ZNF814: variants seen among roughly 807,000 people sequenced by gnomAD.
The protein encoded by ZNF814 is zinc finger protein 814.
Under a neutral mutation model 7.5 loss-of-function variants are expected in ZNF814, and 5 were observed. The observed-to-expected ratio is 0.67, with a 90% CI of 0.35 to 1.40. ZNF814 has a LOEUF of 1.40. ZNF814 is among the 40% of genes most tolerant of loss of function. ZNF814 has a pLI of 0.04. For synonymous variants in ZNF814, 315 were observed against 340.7 expected, an observed-to-expected ratio of 0.92 and a Z score of 0.83; for missense variants, 962 against 1,018.0, an observed-to-expected ratio of 0.94 and a Z score of 0.75.
rs567660556 is a variant in ZNF814, at chr19:57,875,943, C to CTTTTTTTTTTT, written c.164-728_164-718dup. On this transcript the variant is annotated intron_variant, in intron 2 of 2. Coordinates refer to ENST00000435989, the MANE Select transcript of ZNF814 (RefSeq NM_001144989.2). ...CTCCATGACCTCCTCCAGGGTGCCGCTTTTTTTTTTTTTTTTTTTTTTTTT... is the reference window on the plus strand; with the variant it reads ...CTCCATGACCTCCTCCAGGGTGCCGCTTTTTTTTTTTTTTTTTTTTTTTTTTTTTTTTTTTT... Among the ~76,000 whole-genome samples, 29 of 71,434 alleles carry CTTTTTTTTTTT rather than the reference C, an allele frequency of 4.1e-4. 2 individuals carry two copies. The highest frequency in any genetic ancestry group is 7.9e-4 in the East Asian group (2 of 2,520). 46.9% of individuals were successfully genotyped at this position (71,434 alleles called of 152,430 possible). A position where few individuals can be genotyped will look rare whatever the true frequency, so the allele number is the denominator to read the frequency against.
chr19:57,892,236 A>G (rs1281838664), upstream of ZNF814, among the ~76,000 whole-genome samples: 3 of 152,118 alleles, frequency 2.0e-5, no homozygotes, highest in African/African-American at 7.2e-5. Context: ...ACAGAGTTTG[A>G]CTCTTTTCAT....
At chr19:57,896,946 G>C in the ZNF814 span, among the ~76,000 whole-genome samples, 1 of 152,114 alleles carries the variant, frequency 6.6e-6, no homozygotes, top group Non-Finnish European at 1.5e-5. The surrounding 1 kb of genome is among the most constrained non-coding windows in gnomAD (Gnocchi z 4.2). Context: ...GTCCTAATTG[G>C]GGTCAATTAG....
At chr19:57,878,966 TA>T (rs939743037) in intron 1 of ZNF814, among the ~76,000 whole-genome samples, 2 of 151,844 alleles carry the variant, frequency 1.3e-5, no homozygotes, top group Non-Finnish European at 2.9e-5. Context: ...TTAAAATATA[TA>T]AAAAGAGAGT....
In ZNF814 at chr19:57,872,477, T is replaced by C. The variant is rs2071563919; in HGVS notation, c.*345A>G. 2 of 444,736 alleles carry C rather than the reference T, an allele frequency of 4.5e-6. No homozygotes were observed. Among genetic ancestry groups the C allele is most frequent in the Non-Finnish European group, 8.0e-6 (2 of 250,588 alleles). 27.5% of individuals were successfully genotyped at this position (444,736 alleles called of 1,614,324 possible). On this transcript the variant is annotated 3_prime_UTR_variant, in exon 3 of 3. Coordinates refer to ENST00000435989, the MANE Select transcript of ZNF814 (RefSeq NM_001144989.2). ...GGAGCAAAGAGGTGTGGCTACAAAA[T>C]TGCCCAAATGTATTTTATTTGTCTA...
chr19:57,876,869 G>C (rs2122437267), intron 2 of ZNF814, 47 bp downstream of exon 2: 1 of 1,608,768 alleles, frequency 6.2e-7, no homozygotes, highest in Middle Eastern at 1.7e-4. Flanking sequence ...AAAGATAGGG[G>C]AAAACAGAGA....
At chr19:57,889,069 C>G (rs1304353593), upstream of ZNF814, 13 of 530,128 alleles carry the variant, frequency 2.5e-5, no homozygotes, top group South Asian at 2.4e-4. Flanking sequence ...GAAGTCCGGA[C>G]CCATTGTCAC....
chr19:57,874,805 C>T lies in ZNF814; in HGVS notation c.585G>A (p.Glu195=). 6.2e-7 allele frequency: 1 copy of T among 1,614,134 alleles called. No individual in the cohort carries two copies. The change falls in exon 3 of 3, where the codon GAG becomes GAA. Residue 195 remains glutamate, a synonymous_variant. Coordinates refer to ENST00000435989, the MANE Select transcript of ZNF814 (RefSeq NM_001144989.2). Reference sequence around the variant, plus strand: ...CACACTCAGTTTTGCTGTTTGACTTCTCCCCAGTGTGACTGGCCTCCTGCT... The same window carrying T: ...CACACTCAGTTTTGCTGTTTGACTTTTCCCCAGTGTGACTGGCCTCCTGCT... The part of the protein sequence containing the change: ...LLQQEASHTG[E]KSNSKTECVS...
At chr19:57,904,242 C>G in the ZNF814 span, among the ~76,000 whole-genome samples, 2 of 152,220 alleles carry the variant, frequency 1.3e-5, no homozygotes, top group South Asian at 4.1e-4. Context: ...TTTCTACCCC[C>G]ACATCCTCAC....
At chr19:57,883,921 T>C (rs2071668917) in intron 1 of ZNF814, among the ~76,000 whole-genome samples, 1 of 152,042 alleles carries the variant, frequency 6.6e-6, no homozygotes, top group Non-Finnish European at 1.5e-5. Flanking sequence ...CACACCCAGC[T>C]AATTTTTGTA....
the ZNF814 span, among the ~76,000 whole-genome samples, chr19:57,901,497 A>C: frequency 1.3e-5 from 2 of 152,242 alleles, no homozygotes; most frequent in Non-Finnish European, 2.9e-5. Context: ...TGTCTCTCCA[A>C]GTGACAATCA....
Position 57,879,013 on chromosome 19 carries a change from G to C in ZNF814, c.37-1971C>G, listed in dbSNP as rs1247060988. The stretch of plus-strand genomic sequence containing the variant: ...AGAAACTTGCACTCAGGCCATTTGT[G>C]GTTATACCAATATGACCAGGCATCC... On this transcript the variant is annotated intron_variant, in intron 1 of 2. Coordinates refer to ENST00000435989, the MANE Select transcript of ZNF814 (RefSeq NM_001144989.2). Among the ~76,000 whole-genome samples, 2 of 152,084 alleles carry C rather than the reference G, an allele frequency of 1.3e-5. 1 individual carries two copies. The highest frequency in any genetic ancestry group is 2.9e-5 in the Non-Finnish European group (2 of 68,026).
chr19:57,888,371 G>A (rs910378333), intron 1 of ZNF814, among the ~76,000 whole-genome samples: 3 of 152,066 alleles, frequency 2.0e-5, no homozygotes, highest in African/African-American at 7.2e-5. Flanking sequence ...AAACATGCAT[G>A]GACCTGATTA....
At chr19:57,878,063 G>A (rs143644100) in intron 1 of ZNF814, among the ~76,000 whole-genome samples, 9 of 151,598 alleles carry the variant, frequency 5.9e-5, no homozygotes, top group Admixed American at 4.6e-4. Context: ...CTACTTGGGA[G>A]GCTGAGGCAG....
At chr19:57,877,075 T>G in intron 1 of ZNF814, 33 bp from the exon 2 acceptor site, 6 of 1,611,620 alleles carry the variant, frequency 3.7e-6, no homozygotes, top group Non-Finnish European at 4.2e-6. Flanking sequence ...AACTACAAAC[T>G]GCCCCTATGC....
intron 1 of ZNF814, among the ~76,000 whole-genome samples, chr19:57,885,615 G>A (rs2071684610): frequency 7.6e-6 from 1 of 131,970 alleles, no homozygotes; most frequent in East Asian, 2.2e-4. Flanking sequence ...GGACAACAGA[G>A]TAAGACTGTG....
chr19:57,875,370 G>A, intron 2 of ZNF814, 144 bp from the exon 3 acceptor site: 4 of 1,548,656 alleles, frequency 2.6e-6, no homozygotes, highest in Non-Finnish European at 3.5e-6. Flanking sequence ...GGAAGATGGT[G>A]CTATGTATTA....
intron 1 of ZNF814, 112 bp from the exon 2 acceptor site, chr19:57,877,154 T>C (rs1256528440): frequency 5.5e-6 from 8 of 1,460,228 alleles, no homozygotes; most frequent in South Asian, 1.3e-5. Flanking sequence ...TCCTCAAACA[T>C]AGGAGAAACT....
At chr19:57,886,286 C>T (rs1182196919) in intron 1 of ZNF814, among the ~76,000 whole-genome samples, 1 of 152,018 alleles carries the variant, frequency 6.6e-6, no homozygotes, top group Admixed American at 6.6e-5. Context: ...CTCCTTGGCC[C>T]TGGAGTCAGG....
upstream of ZNF814, among the ~76,000 whole-genome samples, chr19:57,890,079 T>C (rs376187540): frequency 1.4e-4 from 22 of 152,260 alleles, no homozygotes; most frequent in African/African-American, 5.1e-4. Context: ...TCATTTCAGA[T>C]GGTCCTTCAG....
Sources: allele counts gnomAD v4.1 joint callset (sites outside exome capture counted in the v4.1 genomes callset), GRCh38; gene constraint gnomAD v4.1.1; non-coding constraint Gnocchi (gnomAD v3.1); transcripts MANE v1.5; gene names NCBI Gene and HGNC (gene_info 2026-07-23, HGNC 2026-07-21).